Variants in RTF1 observed in about 807,000 individuals in gnomAD.
RTF1 encodes RTF1 homolog, Paf1/RNA polymerase II complex component.
RTF1 carries 10 observed loss-of-function variants against 95.7 expected under a neutral mutation model. That is an observed-to-expected ratio of 0.10 (90% confidence interval 0.06 to 0.18). RTF1 has a LOEUF of 0.18. Among genes scored for constraint, RTF1 ranks in the 10% least tolerant of loss-of-function variants. The pLI, the probability that RTF1 is intolerant of heterozygous loss-of-function variation, is 1.00. For missense variants in RTF1, 458 were observed against 875.6 expected, an observed-to-expected ratio of 0.52 and a Z score of 6.02; for synonymous variants, 305 against 311.8, an observed-to-expected ratio of 0.98 and a Z score of 0.23.
intron 6 of RTF1, among the ~76,000 whole-genome samples, chr15:41,468,904 C>G (rs185698128): frequency 6.6e-6 from 1 of 152,270 alleles, no homozygotes; most frequent in Admixed American, 6.5e-5. Flanking sequence ...GTGAACTCAT[C>G]ATTTTTAACG....
At chr15:41,430,286 C>T (rs149173203) in intron 1 of RTF1, among the ~76,000 whole-genome samples, 1,942 of 151,332 alleles carry the variant, frequency 0.013, 45 homozygotes, top group African/African-American at 0.045. Flanking sequence ...CTCCACCTCC[C>T]GGGTTCAAGC....
At chr15:41,464,648 T>A in intron 4 of RTF1, 123 bp from the exon 5 acceptor site, 1 of 701,692 alleles carries the variant, frequency 1.4e-6, no homozygotes, top group Non-Finnish European at 2.3e-6. Flanking sequence ...TACACCAGAG[T>A]TTCTTGCAGG....
chr15:41,431,683 C>T (rs370024174), intron 1 of RTF1, among the ~76,000 whole-genome samples: 1 of 151,980 alleles, frequency 6.6e-6, no homozygotes, highest in African/African-American at 2.4e-5. Flanking sequence ...ATTTTTTGTA[C>T]AGACGGGGTT....
chr15:41,473,333 C>T (rs1595440121), intron 8 of RTF1, among the ~76,000 whole-genome samples: 1 of 151,826 alleles, frequency 6.6e-6, no homozygotes, highest in African/African-American at 2.4e-5. Context: ...GGGGTTTCAC[C>T]TTGTTAGCCA....
intron 8 of RTF1, among the ~76,000 whole-genome samples, 189 bp from the exon 9 acceptor site, chr15:41,474,431 C>G (rs1438672709): frequency 1.3e-5 from 2 of 152,228 alleles, no homozygotes; most frequent in Admixed American, 6.5e-5. Flanking sequence ...CTCCTGGGCA[C>G]AAGGCTCCCT....
chr15:41,435,571 G>A (rs138915145), intron 1 of RTF1, among the ~76,000 whole-genome samples: 1 of 152,222 alleles, frequency 6.6e-6, no homozygotes, highest in Non-Finnish European at 1.5e-5. Flanking sequence ...AGCAGAGTAT[G>A]ATTTCAGTCT....
intron 2 of RTF1, among the ~76,000 whole-genome samples, chr15:41,442,150 T>A (rs980635264): frequency 6.6e-6 from 1 of 151,890 alleles, no homozygotes; most frequent in African/African-American, 2.4e-5. Flanking sequence ...CAGTGGCTCT[T>A]TTTTTCCCCT....
chr15:41,473,352 T>C (rs2140654259), intron 8 of RTF1, among the ~76,000 whole-genome samples: 1 of 152,060 alleles, frequency 6.6e-6, no homozygotes, highest in African/African-American at 2.4e-5. Context: ...CAGGATGGTC[T>C]CGATCTCCTG....
chr15:41,478,494 GA>G lies in RTF1; in HGVS notation c.1741-52del. The G allele has an allele frequency of 4.5e-6, 6 of 1,320,068 alleles. No individual in the cohort carries two copies. In the South Asian group the frequency reaches 7.1e-5, roughly 16 times the overall value. The allele number at this position is 1,320,068 out of a possible 1,614,324, so 81.8% of individuals were successfully genotyped here. ...ACTTATTTGCCTGTGAGCTTATGGT[GA>G]ATGAGAGGAGGGGCTGGAGGTGCAG... On this transcript the variant is annotated intron_variant, in intron 14 of 17. Coordinates refer to ENST00000389629, the MANE Select transcript of RTF1 (RefSeq NM_015138.5).
chr15:41,421,331 C>T (rs946521788), intron 1 of RTF1, among the ~76,000 whole-genome samples: 1 of 152,066 alleles, frequency 6.6e-6, no homozygotes, highest in African/African-American at 2.4e-5. Context: ...TGGTGCTTGC[C>T]TGTAATCCCA....
chr15:41,466,872 G>A (rs1294948379), intron 6 of RTF1, among the ~76,000 whole-genome samples: 9 of 152,148 alleles, frequency 5.9e-5, no homozygotes, highest in Admixed American at 5.9e-4. Context: ...TCTCGTTTTT[G>A]TTGTTGAATG....
chr15:41,451,835 A>C (rs2050790816), intron 2 of RTF1, among the ~76,000 whole-genome samples: 1 of 152,180 alleles, frequency 6.6e-6, no homozygotes, highest in Admixed American at 6.6e-5. Flanking sequence ...CATCTCTGCC[A>C]CATAAAACAT....
At chr15:41,426,779 ATATGTGTGTGTGTG>A (rs1367761927) in intron 1 of RTF1, among the ~76,000 whole-genome samples, 23 of 77,608 alleles carry the variant, frequency 3.0e-4, no homozygotes, top group South Asian at 2.2e-3. Context: ...CGCTACATAT[ATATGTGTGTGTGTG>A]TGTGTGTGTG....
At chr15:41,418,500 A>G (rs948276809) in intron 1 of RTF1, among the ~76,000 whole-genome samples, 2 of 152,162 alleles carry the variant, frequency 1.3e-5, no homozygotes, top group African/African-American at 2.4e-5. Flanking sequence ...GGGGTCTTTT[A>G]TATGAAGCCA....
chr15:41,482,346 C>T lies in RTF1; in HGVS notation c.*1659C>T, dbSNP rs2050981444. On this transcript the variant is annotated 3_prime_UTR_variant, in exon 18 of 18. Transcript: ENST00000389629. ...TATACCAAGAGCTAAGCTAAAGGAA[C>T]AGCTGAGAGCTCCGATCTCCACGAG... 6.6e-6 allele frequency: 1 copy of T among 152,578 alleles called. No homozygotes were observed. Among genetic ancestry groups the T allele is most frequent in the South Asian group, 2.1e-4 (1 of 4,824 alleles). 9.5% of individuals were successfully genotyped at this position (152,578 alleles called of 1,614,324 possible). A position where few individuals can be genotyped will look rare whatever the true frequency, so the allele number is the denominator to read the frequency against.
intron 4 of RTF1, among the ~76,000 whole-genome samples, chr15:41,464,274 C>T (rs576231035): frequency 1.1e-4 from 16 of 146,520 alleles, no homozygotes; most frequent in East Asian, 4.0e-4. Flanking sequence ...TTTTTTGAAA[C>T]GGATTCTTGC....
rs773003912 is a variant in RTF1 at position 41,471,184 on chromosome 15, C to A, written c.1038C>A (p.Ile346=). The change falls in exon 8 of 18, where the codon ATC becomes ATA. Residue 346 remains isoleucine, a synonymous_variant. Transcript: ENST00000389629. ...SSDEEEEKEE[I]PPKSQPVSLP... ...TTGTTCCTCTTAGGAAAGAAGAGATCCCTCCCAAATCCCAACCAGTTTCCT... is the reference window on the plus strand; with the variant it reads ...TTGTTCCTCTTAGGAAAGAAGAGATACCTCCCAAATCCCAACCAGTTTCCT... The A allele has an allele frequency of 1.9e-6, 3 of 1,607,074 alleles. No homozygotes were observed. The highest frequency in any genetic ancestry group is 2.5e-6 in the Non-Finnish European group (3 of 1,177,344).
chr15:41,430,251 A>G (rs1339686785), intron 1 of RTF1, among the ~76,000 whole-genome samples: 1 of 143,036 alleles, frequency 7.0e-6, no homozygotes, highest in Non-Finnish European at 1.5e-5. Context: ...ATCTCGGCTC[A>G]CTGCAACCTC....
intron 2 of RTF1, among the ~76,000 whole-genome samples, chr15:41,445,002 G>A (rs950679677): frequency 1.3e-5 from 2 of 152,054 alleles, no homozygotes; most frequent in Non-Finnish European, 2.9e-5. Context: ...CACGATCTTG[G>A]CTCACTCCAA....
Sources: allele counts gnomAD v4.1 joint callset (sites outside exome capture counted in the v4.1 genomes callset), GRCh38; gene constraint gnomAD v4.1.1; transcripts MANE v1.5; gene names NCBI Gene and HGNC (gene_info 2026-07-23, HGNC 2026-07-21).